Variants in SPTLC3 observed in about 807,000 individuals in gnomAD.
The protein encoded by SPTLC3 is serine palmitoyltransferase long chain base subunit 3.
Under a neutral mutation model 59.3 loss-of-function variants are expected in SPTLC3, and 36 were observed. That is an observed-to-expected ratio of 0.61 (90% CI 0.47 to 0.80). SPTLC3 has a LOEUF of 0.80. SPTLC3 is among the 30% of genes least tolerant of loss of function. SPTLC3 has a pLI of 0.00. For missense variants in SPTLC3, 625 were observed against 685.1 expected (o/e 0.91, Z 0.98); for synonymous variants, 257 against 240.8 (o/e 1.07, Z -0.62).
At chr20:13,113,047 G>T (rs568607403) in intron 7 of SPTLC3, among the ~76,000 whole-genome samples, 3 of 152,228 alleles carry the variant, frequency 2.0e-5, no homozygotes, top group Non-Finnish European at 4.4e-5. Context: ...GCCAGGTGTG[G>T]TGGTGCACTC....
chr20:13,120,070 T>A (rs1185960831), intron 8 of SPTLC3, among the ~76,000 whole-genome samples: 1 of 152,236 alleles, frequency 6.6e-6, no homozygotes, highest in Admixed American at 6.5e-5. Context: ...TCCTATGAAC[T>A]TCAGATAATT....
At chr20:13,059,070 T>C (rs1010145448) in intron 2 of SPTLC3, among the ~76,000 whole-genome samples, 1 of 152,214 alleles carries the variant, frequency 6.6e-6, no homozygotes, top group African/African-American at 2.4e-5. Context: ...CAAGGTTCTG[T>C]GGAGGTTTGG....
At chr20:13,121,421 G>C (rs375892691) in intron 8 of SPTLC3, among the ~76,000 whole-genome samples, 1 of 152,164 alleles carries the variant, frequency 6.6e-6, no homozygotes, top group Non-Finnish European at 1.5e-5. Flanking sequence ...AAGTAAGCAG[G>C]GGTCAGGGAG....
rs186616458 is a variant in SPTLC3 at position 13,044,747 on chromosome 20, C to G, written c.118-4198C>G. 4.4e-4 allele frequency among the ~76,000 whole-genome samples: 67 copies of G among 152,288 alleles called. 2 individuals carry two copies. Among genetic ancestry groups the G allele is most frequent in the South Asian group, 3.3e-3 (16 of 4,826 alleles). On this transcript the variant is annotated intron_variant, in intron 1 of 11. Coordinates refer to ENST00000399002, the MANE Select transcript of SPTLC3 (RefSeq NM_018327.4). Reference sequence around the variant, plus strand: ...TCAAAAGTGACCTTTACTAGCCCCACTTAGCACTGGAGACATTTGAGGCCT... The same window carrying G: ...TCAAAAGTGACCTTTACTAGCCCCAGTTAGCACTGGAGACATTTGAGGCCT...
chr20:13,129,565 G>C (rs970450248), intron 9 of SPTLC3, among the ~76,000 whole-genome samples: 1 of 152,232 alleles, frequency 6.6e-6, no homozygotes, highest in African/African-American at 2.4e-5. Flanking sequence ...CTAGGAAAAA[G>C]TTATTCTAGA....
At chr20:13,074,570 GATC>G (rs1988573690) in intron 4 of SPTLC3, 73 bp downstream of exon 4, 4 of 1,492,704 alleles carry the variant, frequency 2.7e-6, no homozygotes, top group South Asian at 2.6e-5. Flanking sequence ...CTCAAATCTA[GATC>G]ATATTTGGAC....
chr20:13,088,784 A>ATTTTTTTTTTTTTTTTT (rs375680092), intron 4 of SPTLC3, among the ~76,000 whole-genome samples: 5 of 111,888 alleles, frequency 4.5e-5, no homozygotes, highest in Non-Finnish European at 6.7e-5. Flanking sequence ...GCACCCGGCT[A>ATTTTTTTTTTTTTTTTT]TTTTTTTTTT....
At chr20:13,155,327 C>A (rs2038743618) in intron 10 of SPTLC3, among the ~76,000 whole-genome samples, 1 of 152,194 alleles carries the variant, frequency 6.6e-6, no homozygotes, top group South Asian at 2.1e-4. Context: ...CAATGTAACC[C>A]ATTGCTGGAA....
rs889548185 is a variant in SPTLC3 at position 13,144,173 on chromosome 20, C to T, written c.1280-9830C>T. ...CATCCCTTTCCTCCCCATCCCCAAA[C>T]TTGTGTCCACAAGATGTTAAGTTAC... On this transcript the variant is annotated intron_variant, in intron 9 of 11. Coordinates refer to ENST00000399002, the MANE Select transcript of SPTLC3 (RefSeq NM_018327.4). Among the ~76,000 whole-genome samples, 6 of 152,336 alleles carry T rather than the reference C, an allele frequency of 3.9e-5. 1 individual carries two copies. Among genetic ancestry groups the T allele is most frequent in the Admixed American group, 3.9e-4 (6 of 15,308 alleles).
chr20:13,031,295 A>C (rs907423536), intron 1 of SPTLC3, among the ~76,000 whole-genome samples: 8 of 152,180 alleles, frequency 5.3e-5, no homozygotes, highest in African/African-American at 9.6e-5. Context: ...GAAGATCTCA[A>C]TCTCTAAACT....
rs1016546457 is a variant in SPTLC3 at position 13,047,529 on chromosome 20, T to A, written c.118-1416T>A. On this transcript the variant is annotated intron_variant, in intron 1 of 11. Coordinates refer to ENST00000399002, the MANE Select transcript of SPTLC3 (RefSeq NM_018327.4). ...TGTCATCTCTTTAAGAAATGGGAAA[T>A]CTGCAGATTGATTTGTATTTATTGA... Among the ~76,000 whole-genome samples the A allele has an allele frequency of 3.3e-5, 5 of 152,190 alleles. 1 individual carries two copies. The South Asian group carries it at 1.0e-3, about 32-fold the overall frequency.
chr20:13,026,165 T>C (rs1419076555), intron 1 of SPTLC3, among the ~76,000 whole-genome samples: 3 of 152,220 alleles, frequency 2.0e-5, no homozygotes, highest in Non-Finnish European at 4.4e-5. Context: ...TCTTTGCTGT[T>C]GTGAATAGTG....
intron 1 of SPTLC3, among the ~76,000 whole-genome samples, chr20:13,027,201 A>G (rs1199844094): frequency 1.3e-5 from 2 of 152,222 alleles, no homozygotes; most frequent in Non-Finnish European, 2.9e-5. Flanking sequence ...TTGCTTCTGG[A>G]GAACCCAAAA....
chr20:13,099,930 C>T (rs1989545995), intron 6 of SPTLC3, among the ~76,000 whole-genome samples: 1 of 152,162 alleles, frequency 6.6e-6, no homozygotes, highest in Non-Finnish European at 1.5e-5. Context: ...AGAATGGCCA[C>T]CTGCACCAGA....
At chr20:13,010,599 G>T (rs1433824239) in intron 1 of SPTLC3, among the ~76,000 whole-genome samples, 1 of 152,172 alleles carries the variant, frequency 6.6e-6, no homozygotes. Context: ...GAAACCTGGA[G>T]CAATGTGAAG....
At chr20:13,123,310 G>A (rs183279647) in intron 8 of SPTLC3, among the ~76,000 whole-genome samples, 185 of 147,448 alleles carry the variant, frequency 1.3e-3, no homozygotes, top group South Asian at 4.3e-3. Context: ...CAGCCTGGCC[G>A]ACAGAGCAAG....
At chr20:13,101,933 C>G (rs1325325054) in intron 6 of SPTLC3, among the ~76,000 whole-genome samples, 1 of 152,080 alleles carries the variant, frequency 6.6e-6, no homozygotes, top group African/African-American at 2.4e-5. Flanking sequence ...CTTAAGCTAG[C>G]CTCGGAGAAA....
chr20:13,092,838 TAAG>T (rs1989274420), intron 5 of SPTLC3, among the ~76,000 whole-genome samples: 1 of 152,232 alleles, frequency 6.6e-6, no homozygotes. Context: ...TTGGTATGCT[TAAG>T]AAGTTTTACA....
chr20:13,100,403 C>T (rs952697679), intron 6 of SPTLC3, among the ~76,000 whole-genome samples: 9 of 152,116 alleles, frequency 5.9e-5, no homozygotes, highest in African/African-American at 2.2e-4. Flanking sequence ...GGAAAAGACT[C>T]AGAAGTGCAT....
Sources: allele counts gnomAD v4.1 joint callset (sites outside exome capture counted in the v4.1 genomes callset), GRCh38; gene constraint gnomAD v4.1.1; transcripts MANE v1.5; gene names NCBI Gene and HGNC (gene_info 2026-07-23, HGNC 2026-07-21).